Variants in MTUS2 observed in about 807,000 individuals in gnomAD.
The protein encoded by MTUS2 is microtubule associated scaffold protein 2, also known as microtubule-associated tumor suppressor candidate 2.
Under a neutral mutation model 114.1 loss-of-function variants are expected in MTUS2, and 40 were observed. The observed-to-expected ratio is 0.35, with a 90% CI of 0.27 to 0.46. The LOEUF is 0.46. Ranked by LOEUF, MTUS2 falls within the 20% of genes least tolerant of loss-of-function variation. The pLI is 1.00. For missense variants in MTUS2, 1,679 were observed against 1,705.4 expected, an observed-to-expected ratio of 0.98 and a Z score of 0.27; for synonymous variants, 688 against 672.0, an observed-to-expected ratio of 1.02 and a Z score of -0.37.
rs201979907 is a variant in MTUS2 at position 29,025,422 on chromosome 13, C to T, written c.724C>T (p.Arg242Cys). The change falls in exon 3 of 16, where the codon CGT (arginine) becomes TGT (cysteine). Residue 242 changes from arginine to cysteine, a missense_variant. Physicochemically the swap from Arg to Cys is radical, Grantham distance 180. This residue lies in a region of MTUS2 where 843 missense variants were observed against 770.8 expected (regional missense o/e 1.09). Coordinates refer to ENST00000612955, the MANE Select transcript of MTUS2 (RefSeq NM_001033602.4). ...TDSTSEGKSV[R>C]HPKPSTSESK... ...CAGTACCTCAGAGGGAAAGAGTGTG[C>T]GTCATCCTAAACCATCTACCTCAGA... 1.6e-4 allele frequency: 263 copies of T among 1,612,540 alleles called. No individual in the cohort carries two copies. In the African/African-American group the frequency reaches 3.2e-3, roughly 19 times the overall value.
chr13:29,196,465 T>A (rs1302521011), intron 5 of MTUS2, among the ~76,000 whole-genome samples: 2 of 152,044 alleles, frequency 1.3e-5, no homozygotes, highest in African/African-American at 4.8e-5. Context: ...AAAATGCACA[T>A]AACATCAAAT....
chr13:29,113,911 T>C (rs979723049), intron 5 of MTUS2, among the ~76,000 whole-genome samples: 1 of 152,146 alleles, frequency 6.6e-6, no homozygotes, highest in Non-Finnish European at 1.5e-5. Flanking sequence ...GGGGCGGTTT[T>C]CTTAAATGGC....
chr13:29,468,894 T>C (rs145306063), intron 9 of MTUS2, among the ~76,000 whole-genome samples: 1 of 152,348 alleles, frequency 6.6e-6, no homozygotes, highest in African/African-American at 2.4e-5. Context: ...AAAAGCATGT[T>C]TGTCCTGTAA....
chr13:29,287,950 A>G (rs779593761), intron 6 of MTUS2, among the ~76,000 whole-genome samples: 1 of 152,214 alleles, frequency 6.6e-6, no homozygotes, highest in African/African-American at 2.4e-5. Flanking sequence ...ATGAGCTGCT[A>G]TACAGCCTGA....
At chr13:29,332,460 A>C (rs1048253807) in intron 7 of MTUS2, among the ~76,000 whole-genome samples, 5 of 151,580 alleles carry the variant, frequency 3.3e-5, no homozygotes, top group Non-Finnish European at 7.4e-5. Flanking sequence ...CTTCTTTATT[A>C]GTCTGGCTAG....
intron 8 of MTUS2, among the ~76,000 whole-genome samples, chr13:29,372,313 G>C (rs1227784918): frequency 6.6e-6 from 1 of 151,990 alleles, no homozygotes; most frequent in African/African-American, 2.4e-5. Flanking sequence ...ACCTCATGCT[G>C]AGATGTCTGA....
intron 8 of MTUS2, among the ~76,000 whole-genome samples, chr13:29,429,117 C>A (rs1428081579): frequency 6.6e-6 from 1 of 152,238 alleles, no homozygotes; most frequent in Non-Finnish European, 1.5e-5. Context: ...ATTCTGTATT[C>A]CTGCAGTCTC....
intron 5 of MTUS2, among the ~76,000 whole-genome samples, chr13:29,185,558 A>G (rs1894187387): frequency 6.6e-6 from 1 of 152,152 alleles, no homozygotes; most frequent in African/African-American, 2.4e-5. Context: ...AGTGCAAGGG[A>G]TCCTCAGTAA....
intron 8 of MTUS2, among the ~76,000 whole-genome samples, chr13:29,373,329 C>T (rs1157804554): frequency 6.6e-6 from 1 of 152,132 alleles, no homozygotes; most frequent in Non-Finnish European, 1.5e-5. Context: ...TCCATGTACA[C>T]ATACCATCTG....
chr13:29,398,506 C>G (rs183799013), intron 8 of MTUS2, among the ~76,000 whole-genome samples: 1 of 147,606 alleles, frequency 6.8e-6, no homozygotes, highest in Admixed American at 6.7e-5. Context: ...AAAAAAAGAG[C>G]GAAAAATTAA....
chr13:29,166,358 A>G (rs1157800132), intron 5 of MTUS2, among the ~76,000 whole-genome samples: 1 of 152,214 alleles, frequency 6.6e-6, no homozygotes, highest in East Asian at 1.9e-4. Flanking sequence ...CCCTCTGACC[A>G]AAAGAACCCT....
chr13:29,167,058 C>A (rs1230885261), intron 5 of MTUS2, among the ~76,000 whole-genome samples: 1 of 152,130 alleles, frequency 6.6e-6, no homozygotes. Context: ...TTCTCTAGAA[C>A]TGATCATTAG....
At chr13:28,888,181 T>C (rs1878701096) in intron 2 of MTUS2, among the ~76,000 whole-genome samples, 1 of 152,216 alleles carries the variant, frequency 6.6e-6, no homozygotes, top group African/African-American at 2.4e-5. Context: ...TTTGTCTGAG[T>C]TCTTAATGGA....
At position 29,367,204 on chromosome 13, in the gene MTUS2, G is replaced by A. The variant is rs553633603; in HGVS notation, c.3117+7731G>A. Among the ~76,000 whole-genome samples the A allele has an allele frequency of 1.8e-4, 27 of 152,198 alleles. No homozygotes were observed. In the South Asian group the frequency reaches 4.4e-3, roughly 25 times the overall value. On this transcript the variant is annotated intron_variant, in intron 8 of 15. Transcript: ENST00000612955. ...GGTAGGGGCGCCTTGAGAGAGGAAC[G>A]TGGCTTGTGAAATGGGCCAAGGATC... is the stretch of plus-strand genomic sequence containing the variant.
At chr13:29,436,356 G>A (rs371742389) in intron 8 of MTUS2, among the ~76,000 whole-genome samples, 19 of 152,150 alleles carry the variant, frequency 1.2e-4, no homozygotes, top group African/African-American at 4.1e-4. Flanking sequence ...TAGAGTCCCA[G>A]TTTCCTCCTC....
intron 5 of MTUS2, among the ~76,000 whole-genome samples, chr13:29,151,221 G>A (rs902641155): frequency 6.6e-6 from 1 of 151,996 alleles, no homozygotes; most frequent in African/African-American, 2.4e-5. Flanking sequence ...TTTCTTTCAG[G>A]AGTGTTTTGT....
At chr13:28,873,619 A>G (rs1877755829) in intron 2 of MTUS2, among the ~76,000 whole-genome samples, 1 of 152,238 alleles carries the variant, frequency 6.6e-6, no homozygotes, top group African/African-American at 2.4e-5. Flanking sequence ...GATGTTTACA[A>G]TAATGCAATA....
At chr13:28,820,202 T>G (rs1230136595), upstream of MTUS2, 1 of 145,944 alleles carries the variant, frequency 6.9e-6, no homozygotes, top group Non-Finnish European at 1.5e-5. Context: ...CGGGAGCGCC[T>G]GGGCGTCGTG....
At chr13:28,976,546 G>A (rs149622317) in intron 2 of MTUS2, among the ~76,000 whole-genome samples, 3 of 152,282 alleles carry the variant, frequency 2.0e-5, no homozygotes, top group Non-Finnish European at 4.4e-5. Context: ...AGAATCAAGG[G>A]AGATCAATTA....
Sources: allele counts gnomAD v4.1 joint callset (sites outside exome capture counted in the v4.1 genomes callset), GRCh38; gene constraint gnomAD v4.1.1; regional missense constraint gnomAD v4.1.1; transcripts MANE v1.5; gene names NCBI Gene and HGNC (gene_info 2026-07-23, HGNC 2026-07-21).